The following RPSA2 variants were observed in gnomAD, a reference collection of about 807,000 sequenced individuals.
RPSA2 encodes the protein ribosomal protein SA 2, also known as small ribosomal subunit protein uS2B.
the RPSA2 span, among the ~76,000 whole-genome samples, chr19:23,852,956 C>T: frequency 7.2e-5 from 11 of 152,248 alleles, no homozygotes; most frequent in South Asian, 6.2e-4. Flanking sequence ...TGTAACTCAG[C>T]GGCTCAAAAA....
At chr19:23,797,263 C>G in the RPSA2 span, among the ~76,000 whole-genome samples, 1 of 152,120 alleles carries the variant, frequency 6.6e-6, no homozygotes, top group Non-Finnish European at 1.5e-5. Context: ...GCATGTGCCA[C>G]CATGATGGGC....
chr19:23,833,261 C>A, the RPSA2 span: 34 of 955,504 alleles, frequency 3.6e-5, no homozygotes, highest in Admixed American at 1.2e-4. Flanking sequence ...ATCCTTACAA[C>A]TTAATGCACA....
the RPSA2 span, among the ~76,000 whole-genome samples, chr19:23,794,612 A>G: frequency 6.8e-6 from 1 of 147,368 alleles, no homozygotes; most frequent in Non-Finnish European, 1.5e-5. Context: ...ATAGTTTGCA[A>G]ATATTTCCTA....
At chr19:23,781,466 G>GA in the RPSA2 span, among the ~76,000 whole-genome samples, 1 of 152,018 alleles carries the variant, frequency 6.6e-6, no homozygotes, top group African/African-American at 2.4e-5. Context: ...AGCCTTCCGA[G>GA]TAGCTGGGAT....
the RPSA2 span, among the ~76,000 whole-genome samples, chr19:23,848,511 A>T: frequency 7.3e-6 from 1 of 137,794 alleles, no homozygotes. Flanking sequence ...GTATAACTCC[A>T]GGCACAATGT....
chr19:23,790,949 C>A, the RPSA2 span, among the ~76,000 whole-genome samples: 5 of 152,296 alleles, frequency 3.3e-5, no homozygotes, highest in East Asian at 9.7e-4. Context: ...GCTAGGCTGA[C>A]AGCCGGGCCC....
At chr19:23,770,172 C>T in the RPSA2 span, among the ~76,000 whole-genome samples, 1 of 7,076 alleles carries the variant, frequency 1.4e-4, no homozygotes, top group Non-Finnish European at 4.0e-4. Flanking sequence ...TTGCATGGGC[C>T]CTCCCCATAA....
At chr19:23,855,483 G>T in the RPSA2 span, among the ~76,000 whole-genome samples, 2 of 152,304 alleles carry the variant, frequency 1.3e-5, no homozygotes, top group African/African-American at 2.4e-5. Flanking sequence ...GCATCAGGAG[G>T]TTCCAGCACG....
chr19:23,761,901 A>ATCCC, the RPSA2 span, among the ~76,000 whole-genome samples: 18 of 34,026 alleles, frequency 5.3e-4, no homozygotes, highest in African/African-American at 1.3e-3. Context: ...GGGTAACGTA[A>ATCCC]TTCTTTCTTT....
At chr19:23,852,825 A>G in the RPSA2 span, among the ~76,000 whole-genome samples, 31 of 152,364 alleles carry the variant, frequency 2.0e-4, no homozygotes, top group Middle Eastern at 3.4e-3. Flanking sequence ...AAGGTTTTCA[A>G]AGAATCTCTC....
the RPSA2 span, among the ~76,000 whole-genome samples, chr19:23,804,562 T>G: frequency 6.6e-6 from 1 of 152,150 alleles, no homozygotes; most frequent in African/African-American, 2.4e-5. Context: ...CCCAAAGTGC[T>G]GTGATTACAG....
chr19:23,840,627 T>C, the RPSA2 span, among the ~76,000 whole-genome samples: 1 of 152,146 alleles, frequency 6.6e-6, no homozygotes, highest in African/African-American at 2.4e-5. Flanking sequence ...CCTTCTAGAA[T>C]GCTTAAAGAG....
At chr19:23,769,913 T>C in the RPSA2 span, among the ~76,000 whole-genome samples, 1 of 152,176 alleles carries the variant, frequency 6.6e-6, no homozygotes, top group Non-Finnish European at 1.5e-5. Flanking sequence ...AATATCTTTA[T>C]ATTAATCACC....
At chr19:23,814,602 TA>T in the RPSA2 span, among the ~76,000 whole-genome samples, 5 of 152,236 alleles carry the variant, frequency 3.3e-5, no homozygotes, top group African/African-American at 9.6e-5. Flanking sequence ...AATATTTCTT[TA>T]AAAAACTGCT....
chr19:23,867,294 G>C, the RPSA2 span, among the ~76,000 whole-genome samples: 14 of 152,328 alleles, frequency 9.2e-5, no homozygotes. Flanking sequence ...ACGGAGTGCT[G>C]AGATTTTACC....
At chr19:23,780,079 A>G in the RPSA2 span, among the ~76,000 whole-genome samples, 2 of 152,282 alleles carry the variant, frequency 1.3e-5, no homozygotes, top group East Asian at 1.9e-4. Context: ...TTACCGGTCA[A>G]TAGAAGAGAT....
At chr19:23,862,415 T>C in the RPSA2 span, among the ~76,000 whole-genome samples, 2 of 151,590 alleles carry the variant, frequency 1.3e-5, no homozygotes, top group East Asian at 3.9e-4. Flanking sequence ...CAACACTATG[T>C]TGAATAGGAG....
the RPSA2 span, among the ~76,000 whole-genome samples, chr19:23,847,611 T>C: frequency 6.6e-6 from 1 of 152,152 alleles, no homozygotes; most frequent in Non-Finnish European, 1.5e-5. Flanking sequence ...CTATGTTCAG[T>C]GGTGCACGTA....
the RPSA2 span, among the ~76,000 whole-genome samples, chr19:23,762,780 C>T: frequency 6.6e-6 from 1 of 152,084 alleles, no homozygotes; most frequent in Admixed American, 6.5e-5. Context: ...CATTTCATGT[C>T]TCAGCTTACT....
Sources: allele counts gnomAD v4.1 joint callset (sites outside exome capture counted in the v4.1 genomes callset), GRCh38; gene constraint gnomAD v4.1.1; transcripts MANE v1.5; gene names NCBI Gene and HGNC (gene_info 2026-07-23, HGNC 2026-07-21).